Variants in DLGAP1 observed in about 807,000 individuals in gnomAD.
The protein encoded by DLGAP1 is DLG associated protein 1, also known as disks large-associated protein 1.
In DLGAP1, 11 loss-of-function variants were observed where a neutral mutation model predicts 90.8. The observed-to-expected ratio is 0.12, with a 90% CI of 0.08 to 0.20. The LOEUF (loss-of-function observed/expected upper bound fraction) is 0.20. Ranked by LOEUF, DLGAP1 falls within the 10% of genes least tolerant of loss-of-function variation. The pLI, the probability that DLGAP1 is intolerant of heterozygous loss-of-function variation, is 1.00. For missense variants in DLGAP1, 1,050 were observed against 1,333.8 expected (o/e 0.79, Z 3.31); for synonymous variants, 558 against 540.7 (o/e 1.03, Z -0.44).
At chr18:3,981,519 G>A (rs922756448) in intron 3 of DLGAP1, among the ~76,000 whole-genome samples, 1 of 152,230 alleles carries the variant, frequency 6.6e-6, no homozygotes, top group Non-Finnish European at 1.5e-5. Flanking sequence ...GGGAGGGAAG[G>A]AAGAGCAGAG....
chr18:4,161,031 CT>C (rs5822798), intron 1 of DLGAP1, among the ~76,000 whole-genome samples: 18,193 of 137,862 alleles, frequency 0.13, 2,868 homozygotes, highest in African/African-American at 0.37. Context: ...TTTCCTTATG[CT>C]TTTTTTTTTT....
chr18:4,184,255 GGAACCAAAACCCCTT>G (rs1432672947), intron 1 of DLGAP1, among the ~76,000 whole-genome samples: 1 of 152,086 alleles, frequency 6.6e-6, no homozygotes, highest in East Asian at 1.9e-4. Flanking sequence ...ATTTGGCACT[GGAACCAAAACCCCTT>G]GGGACGAAAA....
intron 3 of DLGAP1, among the ~76,000 whole-genome samples, chr18:3,943,391 G>A (rs946776176): frequency 2.0e-5 from 3 of 150,234 alleles, no homozygotes; most frequent in Non-Finnish European, 4.4e-5. Context: ...GCTTATTCAT[G>A]TCAAGGTTTT....
At chr18:4,105,330 C>CA (rs2075841372) in intron 2 of DLGAP1, among the ~76,000 whole-genome samples, 1 of 152,172 alleles carries the variant, frequency 6.6e-6, no homozygotes. Flanking sequence ...GTCCTCCGTG[C>CA]ACACATGCCC....
chr18:4,313,572 G>A (rs2080454459), intron 1 of DLGAP1, among the ~76,000 whole-genome samples: 1 of 152,140 alleles, frequency 6.6e-6, no homozygotes, highest in Non-Finnish European at 1.5e-5. Context: ...GAGCTGTAAA[G>A]GGCTAGATTG....
In DLGAP1 at chr18:3,879,471, C is replaced by T; in HGVS notation, c.598G>A (p.Gly200Ser). The T allele has an allele frequency of 6.2e-7, 1 of 1,605,854 alleles. No homozygotes were observed. The highest frequency in any genetic ancestry group is 1.1e-5 in the South Asian group (1 of 91,080). ...AGGTTGTCGTCCGAGCTCCACCAGCCCGGGGAGGTGCTGGGCCGGGCCTTG... is the reference window on the plus strand; with the variant it reads ...AGGTTGTCGTCCGAGCTCCACCAGCTCGGGGAGGTGCTGGGCCGGGCCTTG... Reference protein sequence around the residue: ...EPKARPSTSPGWWSSDDNLDG... With the variant: ...EPKARPSTSPSWWSSDDNLDG... The change falls in exon 4 of 13, where the codon GGC becomes AGC. Residue 200 changes from glycine to serine, a missense_variant. Physicochemically the swap from Gly to Ser is moderately conservative, Grantham distance 56. Coordinates refer to ENST00000315677, the MANE Select transcript of DLGAP1 (RefSeq NM_004746.4). This position sits in a 1 kb window ranked among gnomAD's most constrained non-coding sequence, Gnocchi z 6.6.
At chr18:3,897,993 A>C (rs1245425922) in intron 3 of DLGAP1, among the ~76,000 whole-genome samples, 1 of 151,156 alleles carries the variant, frequency 6.6e-6, no homozygotes, top group Admixed American at 6.6e-5. Flanking sequence ...ACGGGGTTTC[A>C]CCTTGTTAGC....
chr18:3,700,621 G>T (rs886397353), intron 7 of DLGAP1, among the ~76,000 whole-genome samples: 3 of 152,124 alleles, frequency 2.0e-5, no homozygotes, highest in Middle Eastern at 3.4e-3. Context: ...AATTTTAATT[G>T]TTTTTTGAGA....
intron 3 of DLGAP1, among the ~76,000 whole-genome samples, chr18:3,902,388 T>A (rs1243471609): frequency 6.6e-6 from 1 of 152,166 alleles, no homozygotes; most frequent in Non-Finnish European, 1.5e-5. Context: ...AAATACAACA[T>A]CAGTAGAAAT....
rs1489947452 is a variant in DLGAP1 at position 3,748,384 on chromosome 18, A to T, written c.1173-5872T>A. On this transcript the variant is annotated intron_variant, in intron 5 of 12. Transcript: ENST00000315677. ...AAGACAAAATGACTAACTTTGCAACATATTACTGGAAATAACTTCAGATGG... is the reference window on the plus strand; with the variant it reads ...AAGACAAAATGACTAACTTTGCAACTTATTACTGGAAATAACTTCAGATGG... 2.0e-5 allele frequency among the ~76,000 whole-genome samples: 3 copies of T among 152,254 alleles called. No homozygotes were observed. In the East Asian group the frequency reaches 5.8e-4, roughly 29 times the overall value.
chr18:4,375,594 T>C (rs2081998321), intron 1 of DLGAP1, among the ~76,000 whole-genome samples: 1 of 152,130 alleles, frequency 6.6e-6, no homozygotes, highest in South Asian at 2.1e-4. Flanking sequence ...TTATTTGATC[T>C]ACCAGAGCCT....
At chr18:4,255,615 A>G (rs1056003134) in intron 1 of DLGAP1, among the ~76,000 whole-genome samples, 2 of 151,972 alleles carry the variant, frequency 1.3e-5, no homozygotes, top group African/African-American at 4.8e-5. Flanking sequence ...AGCACCACCA[A>G]TGAAACCCCG....
rs75282891 is a variant in DLGAP1 at position 3,705,818 on chromosome 18, G to A, written c.1591+23317C>T. Among the ~76,000 whole-genome samples the A allele has an allele frequency of 2.2e-3, 337 of 151,282 alleles. 8 individuals carry two copies. The East Asian group carries it at 0.049, about 22-fold the overall frequency. ...GGATCACAGGCCTGTGCTACCACGC[G>A]CAGCTAATTTTTGTATTTTTAGTAG... On this transcript the variant is annotated intron_variant, in intron 7 of 12. Transcript: ENST00000315677.
chr18:3,740,503 C>T (rs1430955428), intron 6 of DLGAP1, among the ~76,000 whole-genome samples: 1 of 152,110 alleles, frequency 6.6e-6, no homozygotes, highest in Non-Finnish European at 1.5e-5. Context: ...GCCCTTGGAG[C>T]CTGCCCTGCA....
rs71366699 is a variant in DLGAP1, at chr18:3,659,394, T to TACACACACAC, written c.1591+69731_1591+69740dup. Among the ~76,000 whole-genome samples, 924 of 102,142 alleles carry TACACACACAC rather than the reference T, an allele frequency of 9.0e-3. 21 individuals carry two copies. The highest frequency in any genetic ancestry group is 0.022 in the African/African-American group (472 of 21,004). 67.0% of individuals were successfully genotyped at this position (102,142 alleles called of 152,430 possible). ...GGGTAAGCCGTAACACATACATTTA[T>TACACACACAC]ACACACACACACACACACACACACA... is the stretch of plus-strand genomic sequence containing the variant. On this transcript the variant is annotated intron_variant, in intron 7 of 12. Transcript: ENST00000315677.
intron 1 of DLGAP1, among the ~76,000 whole-genome samples, chr18:4,285,035 T>A (rs2079651558): frequency 5.0e-5 from 1 of 19,888 alleles, no homozygotes; most frequent in African/African-American, 8.0e-5. Flanking sequence ...GTAAAACTAT[T>A]TTTTTTTACA....
Position 3,879,987 on chromosome 18 carries a change from C to A in DLGAP1, c.82G>T (p.Asp28Tyr). The A allele has an allele frequency of 1.9e-6, 3 of 1,611,728 alleles. No individual in the cohort carries two copies. Among genetic ancestry groups the A allele is most frequent in the Non-Finnish European group, 2.5e-6 (3 of 1,179,942 alleles). The change falls in exon 4 of 13, where the codon GAC becomes TAC. Residue 28 changes from aspartate to tyrosine, a missense_variant. By Grantham distance (160) the Asp-to-Tyr change is radical. Around this residue, in one of 2 missense-constraint regions of DLGAP1, gnomAD observed 485 missense variants for 454.1 expected, o/e 1.07. Coordinates refer to ENST00000315677, the MANE Select transcript of DLGAP1 (RefSeq NM_004746.4). This position sits in a 1 kb window ranked among gnomAD's most constrained non-coding sequence, Gnocchi z 6.6. Reference sequence around the variant, plus strand: ...GGGCTCAGCAGGTAGGGCTTGCGGTCGGAGTGGTGCGACAGCGAGTCACAG... The same window carrying A: ...GGGCTCAGCAGGTAGGGCTTGCGGTAGGAGTGGTGCGACAGCGAGTCACAG... ...SACDSLSHHS[D>Y]RKPYLLSPVE...
intron 4 of DLGAP1, among the ~76,000 whole-genome samples, chr18:3,828,394 C>T (rs973425376): frequency 1.2e-4 from 19 of 152,280 alleles, no homozygotes; most frequent in Non-Finnish European, 1.9e-4. Context: ...AATCCCAACA[C>T]GTTGGGAGGC....
chr18:4,174,797 G>A (rs939330556), intron 1 of DLGAP1, among the ~76,000 whole-genome samples: 1 of 152,152 alleles, frequency 6.6e-6, no homozygotes, highest in Non-Finnish European at 1.5e-5. Context: ...TGTGTGTGTT[G>A]TTGCCCTCCC....
Sources: gnomAD v4.1 joint callset for allele counts (sites outside exome capture counted in the v4.1 genomes callset) on GRCh38, gnomAD v4.1.1 for gene constraint, gnomAD v4.1.1 regional missense constraint, Gnocchi (gnomAD v3.1) non-coding constraint, MANE v1.5 for transcripts, NCBI Gene and HGNC (gene_info 2026-07-23, HGNC 2026-07-21) for gene names.